The following RGL4 variants were observed in gnomAD, a reference collection of about 807,000 sequenced individuals.
RGL4 encodes the protein ral guanine nucleotide dissociation stimulator like 4.
Under a neutral mutation model 49.6 loss-of-function variants are expected in RGL4, and 41 were observed. The ratio of observed to expected loss-of-function variants is 0.83; its 90% CI spans 0.64 to 1.07. The LOEUF (loss-of-function observed/expected upper bound fraction) is 1.07. RGL4 is among the 50% of genes least tolerant of loss of function. The pLI, the probability that RGL4 is intolerant of heterozygous loss-of-function variation, is 0.00. For missense variants in RGL4, 610 were observed against 591.9 expected, an observed-to-expected ratio of 1.03 and a Z score of -0.32; for synonymous variants, 255 against 238.0, an observed-to-expected ratio of 1.07 and a Z score of -0.66.
Position 23,692,089 on chromosome 22 carries a change from G to A in RGL4, c.59G>A (p.Ser20Asn). Residue 20 changes from serine to asparagine, a missense_variant, in exon 1 of 11, where the codon AGT becomes AAT. Ser to Asn is a conservative substitution (Grantham distance 46, BLOSUM62 1). Transcript: ENST00000290691. ...GCAGTCTTGAGTGCCCAGGTGTACAGTGCTGTGCTCCAGGGCCTTTGGGAA... is the reference window on the plus strand; with the variant it reads ...GCAGTCTTGAGTGCCCAGGTGTACAATGCTGTGCTCCAGGGCCTTTGGGAA... ...AAAVLSAQVY[S>N]AVLQGLWEEN... 1 of 1,614,132 alleles carries A rather than the reference G, an allele frequency of 6.2e-7. No homozygotes were observed. Among genetic ancestry groups the A allele is most frequent in the Non-Finnish European group, 8.5e-7 (1 of 1,179,994 alleles).
chr22:23,693,091 C>A, intron 3 of RGL4, 100 bp downstream of exon 3: 1 of 1,452,214 alleles, frequency 6.9e-7, no homozygotes. Context: ...ATTTCAGCCC[C>A]ACTTCTTACC....
chr22:23,691,862 G>T lies in RGL4; in HGVS notation c.-169G>T, dbSNP rs1325878402. On this transcript the variant is annotated 5_prime_UTR_variant, in exon 1 of 11. It introduces an in-frame stop codon into an upstream open reading frame of the 5' UTR. Transcript: ENST00000290691. ...AGGCAAATAGTGAGTTCTGTAAATG[G>T]AGACTTAGGTCCCCTGCAAAGCAGA... 1.3e-5 allele frequency: 8 copies of T among 611,884 alleles called. No individual in the cohort carries two copies. The highest frequency in any genetic ancestry group is 5.5e-5 in the African/African-American group (3 of 54,226). The allele number at this position is 611,884 out of a possible 1,614,324, so 37.9% of individuals were successfully genotyped here.
Position 23,693,980 on chromosome 22 carries a change from C to A in RGL4, c.912+6C>A. On this transcript the variant is annotated splice_donor_region_variant and intron_variant, in intron 4 of 10. Coordinates refer to ENST00000290691, the MANE Select transcript of RGL4 (RefSeq NM_153615.2). Reference sequence around the variant, plus strand: ...ACTGGATCAAGGTGGCCAGGGTAAGCTATGGTTGGGCCTGGGGATTCCCTC... The same window carrying A: ...ACTGGATCAAGGTGGCCAGGGTAAGATATGGTTGGGCCTGGGGATTCCCTC... 7 of 1,612,518 alleles carry A rather than the reference C, an allele frequency of 4.3e-6. No homozygotes were observed. Among genetic ancestry groups the A allele is most frequent in the Non-Finnish European group, 4.2e-6 (5 of 1,179,202 alleles).
chr22:23,693,256 C>A, intron 3 of RGL4: 1 of 593,460 alleles, frequency 1.7e-6, no homozygotes. Flanking sequence ...CAGGTGCTCA[C>A]TGTGGGGCAG....
chr22:23,695,515 G>A (rs919601671), intron 6 of RGL4: 2 of 497,684 alleles, frequency 4.0e-6, no homozygotes, highest in Non-Finnish European at 7.5e-6. Context: ...GCCTTGGCCT[G>A]CACTGGGGGA....
intron 3 of RGL4, 72 bp downstream of exon 3, chr22:23,693,063 G>A (rs1668947057): frequency 6.7e-7 from 1 of 1,500,320 alleles, no homozygotes; most frequent in Non-Finnish European, 8.9e-7. Flanking sequence ...CTGAGGAGCA[G>A]CCAATGCCCT....
chr22:23,696,195 C>T, intron 6 of RGL4: 3 of 823,132 alleles, frequency 3.6e-6, no homozygotes, highest in Non-Finnish European at 4.8e-6. Context: ...GGAGCCACTG[C>T]CCGCTCTGGG....
At chr22:23,697,931 C>T (rs1923617856) in intron 9 of RGL4, 70 bp downstream of exon 9, 3 of 1,528,864 alleles carry the variant, frequency 2.0e-6, no homozygotes, top group Non-Finnish European at 8.9e-7. Flanking sequence ...CTGGGCAGGA[C>T]ACTCCCTGGC....
Position 23,692,035 on chromosome 22 carries a change from G to T in RGL4, c.5G>T (p.Arg2Met). 6.2e-7 allele frequency: 1 copy of T among 1,613,460 alleles called. No individual in the cohort carries two copies. Among genetic ancestry groups the T allele is most frequent in the Non-Finnish European group, 8.5e-7 (1 of 1,179,564 alleles). Residue 2 changes from arginine to methionine, a missense_variant, in exon 1 of 11, where the codon AGG (arginine) becomes ATG (methionine). By Grantham distance (91) the Arg-to-Met change is moderately conservative. Transcript: ENST00000290691. M[R>M]KLLTNLPAAA... Reference sequence around the variant, plus strand: ...GGACCCAGATCTGGAGCTTTGATGAGGAAGCTGCTCACAAATCTGCCTGCA... The same window carrying T: ...GGACCCAGATCTGGAGCTTTGATGATGAAGCTGCTCACAAATCTGCCTGCA...
In RGL4 at chr22:23,693,914, C is replaced by A; in HGVS notation, c.852C>A (p.Asp284Glu). The A allele has an allele frequency of 6.2e-7, 1 of 1,613,846 alleles. No homozygotes were observed. The highest frequency in any genetic ancestry group is 8.5e-7 in the Non-Finnish European group (1 of 1,179,980). Residue 284 changes from aspartate (D) to glutamate (E), a missense_variant, in exon 4 of 11, where the codon GAC (aspartate) becomes GAA (glutamate). Asp to Glu is a conservative substitution (Grantham distance 45). Transcript: ENST00000290691. ...TNCITTSCLG[D>E]HSMRARDRAR... ...GCATCACCACCTCCTGCCTCGGGGA[C>A]CACAGCATGAGGGCCCGGGACAGGG...
chr22:23,692,183 C>A lies in RGL4; in HGVS notation c.153C>A (p.Pro51=), dbSNP rs547745189. 11 of 1,614,118 alleles carry A rather than the reference C, an allele frequency of 6.8e-6. No homozygotes were observed. The South Asian group carries it at 1.2e-4, about 18-fold the overall frequency. The part of the protein sequence containing the change: ...CTALLYGQVC[P]FQDSTDGLRT... ...CCCTGCTGTATGGCCAGGTCTGCCC[C>A]TTCCAGGACAGCACTGATGGCTTAC... The change falls in exon 1 of 11, where the codon CCC becomes CCA. Residue 51 remains proline, a synonymous_variant. Coordinates refer to ENST00000290691, the MANE Select transcript of RGL4 (RefSeq NM_153615.2).
chr22:23,696,359 A>G, intron 6 of RGL4: 2 of 1,412,462 alleles, frequency 1.4e-6, no homozygotes, highest in Non-Finnish European at 1.9e-6. Flanking sequence ...GGCAACAGCT[A>G]CAGGAAACTG....
chr22:23,693,967 TG>T lies in RGL4; in HGVS notation c.907del (p.Ala303ProfsTer5). Reference protein sequence around the residue: ...RARVVEHWIKVARECLSLNNF... With the variant: ...RARVVEHWIKXARECLSLNNF... ...AGGGTGGTGGAGCACTGGATCAAGG[TG>T]GCCAGGGTAAGCTATGGTTGGGCCT... On this transcript the variant is annotated frameshift_variant, in exon 4 of 11. Transcript: ENST00000290691. LOFTEE classifies it high-confidence loss of function. 6.2e-7 allele frequency: 1 copy of T among 1,613,480 alleles called. No homozygotes were observed. Among genetic ancestry groups the T allele is most frequent in the Non-Finnish European group, 8.5e-7 (1 of 1,179,912 alleles).
Position 23,695,037 on chromosome 22 carries a change from A to T in RGL4, c.1086+18A>T, listed in dbSNP as rs774090839. The T allele has an allele frequency of 6.3e-7, 1 of 1,579,742 alleles. No homozygotes were observed. The highest frequency in any genetic ancestry group is 8.7e-7 in the Non-Finnish European group (1 of 1,148,960). On this transcript the variant is annotated intron_variant, in intron 6 of 10. Coordinates refer to ENST00000290691, the MANE Select transcript of RGL4 (RefSeq NM_153615.2). ...TGATCAAGGTACAGTGGAGTCTGGG[A>T]GATGCAGGACAAGTGTTTAAGGGTC...
intron 6 of RGL4, 69 bp from the exon 7 acceptor site, chr22:23,696,545 C>A (rs546395039): frequency 1.2e-6 from 2 of 1,608,888 alleles, no homozygotes; most frequent in Non-Finnish European, 1.7e-6. Context: ...GATCCAAGTG[C>A]GGGGTGGCTG....
chr22:23,696,789 TC>T, intron 7 of RGL4, 101 bp downstream of exon 7: 1 of 1,014,402 alleles, frequency 9.9e-7, no homozygotes, highest in Non-Finnish European at 1.4e-6. Flanking sequence ...GGGGGCTTCC[TC>T]CCCAGCCCTG....
At position 23,692,457 on chromosome 22, in the gene RGL4, G is replaced by A. The variant is rs1175010965; in HGVS notation, c.302G>A (p.Gly101Asp). 2 of 1,614,096 alleles carry A rather than the reference G, an allele frequency of 1.2e-6. No homozygotes were observed. The highest frequency in any genetic ancestry group is 8.5e-7 in the Non-Finnish European group (1 of 1,180,050). ...AGGAACCTCTCCTGGCCTGGACTGG[G>A]CTTGGAGGACCATCAGGAAATTGTC... Reference protein sequence around the residue: ...AFRNLSWPGLGLEDHQEIVLG... With the variant: ...AFRNLSWPGLDLEDHQEIVLG... The change falls in exon 2 of 11, where the codon GGC (glycine) becomes GAC (aspartate). Residue 101 changes from glycine (G) to aspartate (D), a missense_variant. Physicochemically the swap from Gly to Asp is moderately conservative, Grantham distance 94. Transcript: ENST00000290691.
intron 10 of RGL4, 61 bp downstream of exon 10, chr22:23,698,394 T>C (rs748806699): frequency 5.8e-5 from 90 of 1,550,036 alleles, no homozygotes; most frequent in Non-Finnish European, 6.8e-5. Context: ...TTTTTTAACA[T>C]GGTCTGGCTC....
rs1923126235 is a variant in RGL4, at chr22:23,691,331, G to GA, written c.-699dup. The GA allele has an allele frequency of 6.6e-6, 1 of 152,158 alleles. No homozygotes were observed. The highest frequency in any genetic ancestry group is 2.4e-5 in the African/African-American group (1 of 41,408). The allele number at this position is 152,158 out of a possible 1,614,324, so 9.4% of individuals were successfully genotyped here. On this transcript the variant is annotated 5_prime_UTR_variant, in exon 1 of 11. The change creates a premature stop within an existing upstream ORF in the 5' untranslated region. Transcript: ENST00000290691. ...TTCCTTCTGGCTGGTCTTTCTCCTT[G>GA]ACACAGACAGAAGAGGGGTCCCTTG...
Sources: gnomAD v4.1 joint callset for allele counts on GRCh38, gnomAD v4.1.1 for gene constraint, MANE v1.5 for transcripts, NCBI Gene and HGNC (gene_info 2026-07-23, HGNC 2026-07-21) for gene names.